The following UNC5A variants were observed in gnomAD, a reference collection of about 807,000 sequenced individuals.
UNC5A encodes unc-5 netrin receptor A, also known as netrin receptor UNC5A.
Under a neutral mutation model 87.4 loss-of-function variants are expected in UNC5A, and 20 were observed. That is an observed-to-expected ratio of 0.23 (90% CI 0.16 to 0.33). UNC5A has a LOEUF of 0.33. Among genes scored for constraint, UNC5A ranks in the 10% least tolerant of loss-of-function variants. The pLI is 1.00. For missense variants in UNC5A, 844 were observed against 1,133.4 expected (o/e 0.74, Z 3.67); for synonymous variants, 438 against 482.3 (o/e 0.91, Z 1.20).
intron 1 of UNC5A, among the ~76,000 whole-genome samples, chr5:176,839,928 T>C (rs1244808004): frequency 1.3e-5 from 2 of 150,968 alleles, no homozygotes; most frequent in African/African-American, 4.9e-5. Context: ...GCAATTCTGC[T>C]GCCTCAGCCT....
At chr5:176,846,966 C>T (rs1470536010) in intron 1 of UNC5A, among the ~76,000 whole-genome samples, 2 of 152,154 alleles carry the variant, frequency 1.3e-5, no homozygotes, top group African/African-American at 2.4e-5. Flanking sequence ...CGCAGAGCCG[C>T]GCACATGCTC....
Position 176,867,929 on chromosome 5 carries a change from G to A in UNC5A, c.293-201G>A, listed in dbSNP as rs540688329. 5.2e-4 allele frequency among the ~76,000 whole-genome samples: 79 copies of A among 152,080 alleles called. 2 individuals carry two copies. Among genetic ancestry groups the A allele is most frequent in the Middle Eastern group, 6.8e-3 (2 of 294 alleles). On this transcript the variant is annotated intron_variant, in intron 2 of 14. Transcript: ENST00000329542. ...GGCCTTCAGGAGATAGAAATCAAGC[G>A]GCCCTTGGGCCCCCTGGAGTTTCCT...
intron 1 of UNC5A, among the ~76,000 whole-genome samples, chr5:176,822,086 T>C (rs1242430823): frequency 1.3e-5 from 2 of 152,238 alleles, no homozygotes; most frequent in Non-Finnish European, 2.9e-5. Flanking sequence ...GTGCCTCAGT[T>C]TGCTCACCTG....
chr5:176,811,778 TG>T (rs1756462160), intron 1 of UNC5A, among the ~76,000 whole-genome samples: 1 of 151,990 alleles, frequency 6.6e-6, no homozygotes, highest in Non-Finnish European at 1.5e-5. Context: ...CAAGGGGGCT[TG>T]AGGCTTACCC....
At chr5:176,837,534 C>G (rs1359712009) in intron 1 of UNC5A, among the ~76,000 whole-genome samples, 1 of 152,164 alleles carries the variant, frequency 6.6e-6, no homozygotes, top group Non-Finnish European at 1.5e-5. Flanking sequence ...GATATCCACA[C>G]CAGGGACAGG....
chr5:176,814,698 C>T (rs1318375818), intron 1 of UNC5A, among the ~76,000 whole-genome samples: 2 of 152,242 alleles, frequency 1.3e-5, no homozygotes, highest in East Asian at 1.9e-4. Flanking sequence ...TGAGCCTCCT[C>T]CTTCTCCTCC....
At chr5:176,820,563 T>C (rs1258724015) in intron 1 of UNC5A, among the ~76,000 whole-genome samples, 1 of 152,224 alleles carries the variant, frequency 6.6e-6, no homozygotes, top group East Asian at 1.9e-4. Flanking sequence ...ATGTTTCTAG[T>C]CCATCCTTAA....
intron 1 of UNC5A, among the ~76,000 whole-genome samples, chr5:176,854,046 C>T (rs983579716): frequency 2.0e-5 from 3 of 152,192 alleles, no homozygotes; most frequent in African/African-American, 7.2e-5. Flanking sequence ...GCAGGCTGTA[C>T]AGAGGTTTTT....
rs529207818 is a variant in UNC5A, at chr5:176,812,703, T to C, written c.70+1883T>C. The stretch of plus-strand genomic sequence containing the variant: ...GCCTGGCCCAAGGTTGCCCAGGGAG[T>C]CGGCAGGTGGGCACAGGTGCTGCAG... On this transcript the variant is annotated intron_variant, in intron 1 of 14. Transcript: ENST00000329542. Among the ~76,000 whole-genome samples, 26 of 151,536 alleles carry C rather than the reference T, an allele frequency of 1.7e-4. No homozygotes were observed. The South Asian group carries it at 5.0e-3, about 29-fold the overall frequency.
At chr5:176,826,765 C>T (rs979036064) in intron 1 of UNC5A, among the ~76,000 whole-genome samples, 4 of 151,482 alleles carry the variant, frequency 2.6e-5, no homozygotes, top group African/African-American at 7.3e-5. Flanking sequence ...CTCAGCCTCC[C>T]GAGTAGCTGG....
intron 6 of UNC5A, among the ~76,000 whole-genome samples, chr5:176,873,683 G>A (rs1215616047): frequency 6.6e-6 from 1 of 152,170 alleles, no homozygotes; most frequent in Non-Finnish European, 1.5e-5. Context: ...ATCCGCTCTG[G>A]GGAAGTAGCT....
intron 1 of UNC5A, among the ~76,000 whole-genome samples, chr5:176,845,433 C>T (rs910429703): frequency 8.5e-5 from 13 of 152,230 alleles, no homozygotes; most frequent in Admixed American, 2.0e-4. Flanking sequence ...CCCTACCCAC[C>T]TCCTCTTGGC....
chr5:176,878,346 G>A lies in UNC5A; in HGVS notation c.1972G>A (p.Asp658Asn), dbSNP rs751456892. 1.9e-6 allele frequency: 3 copies of A among 1,613,522 alleles called. No homozygotes were observed. Among genetic ancestry groups the A allele is most frequent in the African/African-American group, 2.7e-5 (2 of 74,940 alleles). ...SYHNLRLSIH[D>N]VPSSLWKSKL... is the part of the protein sequence containing the mutation. Reference sequence around the variant, plus strand: ...CCACAACCTGCGCCTATCCATCCACGATGTGCCCAGCTCCCTGTGGAAGAG... The same window carrying A: ...CCACAACCTGCGCCTATCCATCCACAATGTGCCCAGCTCCCTGTGGAAGAG... The change falls in exon 12 of 15, where the codon GAT becomes AAT. Residue 658 changes from aspartate (D) to asparagine (N), a missense_variant. Physicochemically the swap from Asp to Asn is conservative, Grantham distance 23 (BLOSUM62 1). Transcript: ENST00000329542.
chr5:176,835,618 G>A (rs746770227), intron 1 of UNC5A, among the ~76,000 whole-genome samples: 17 of 152,182 alleles, frequency 1.1e-4, no homozygotes, highest in East Asian at 3.9e-4. Context: ...CCTCCCCAGC[G>A]TGCAGGTGTG....
chr5:176,815,081 C>T (rs933264854), intron 1 of UNC5A, among the ~76,000 whole-genome samples: 2 of 152,222 alleles, frequency 1.3e-5, no homozygotes, highest in African/African-American at 4.8e-5. Context: ...GGGCCACTCA[C>T]GCAAGTTGTA....
intron 1 of UNC5A, among the ~76,000 whole-genome samples, chr5:176,814,482 G>A (rs1372256864): frequency 1.3e-5 from 2 of 152,122 alleles, no homozygotes; most frequent in Non-Finnish European, 2.9e-5. Flanking sequence ...ACACCCCAAC[G>A]TTGGCTCTGT....
intron 1 of UNC5A, among the ~76,000 whole-genome samples, chr5:176,822,494 G>A (rs1187620525): frequency 6.6e-6 from 1 of 152,250 alleles, no homozygotes; most frequent in Non-Finnish European, 1.5e-5. Context: ...GAGAAGGAAG[G>A]TTGGCGTGGT....
rs1485818533 is a variant in UNC5A, at chr5:176,844,880, G to T, written c.71-17744G>T. ...CACAGACTCCCTGCCCAGTGCTCAT[G>T]ACAGACAGCAGCAGTTCCACACTTG... On this transcript the variant is annotated intron_variant, in intron 1 of 14. Coordinates refer to ENST00000329542, the MANE Select transcript of UNC5A (RefSeq NM_133369.3). The surrounding 1 kb of genome is among the most constrained non-coding windows in gnomAD (Gnocchi z 4.2). Among the ~76,000 whole-genome samples the T allele has an allele frequency of 1.3e-5, 2 of 152,162 alleles. No homozygotes were observed. Among genetic ancestry groups the T allele is most frequent in the Admixed American group, 6.5e-5 (1 of 15,282 alleles).
intron 2 of UNC5A, among the ~76,000 whole-genome samples, chr5:176,863,251 G>A (rs950655373): frequency 2.0e-5 from 3 of 152,194 alleles, no homozygotes; most frequent in Admixed American, 1.3e-4. Context: ...CATAAGAACC[G>A]GTTAGGGAGT....
Sources: allele counts gnomAD v4.1 joint callset (sites outside exome capture counted in the v4.1 genomes callset), GRCh38; gene constraint gnomAD v4.1.1; non-coding constraint Gnocchi (gnomAD v3.1); transcripts MANE v1.5; gene names NCBI Gene and HGNC (gene_info 2026-07-23, HGNC 2026-07-21).